The following AKT3 variants were observed in gnomAD, a reference collection of about 807,000 sequenced individuals.
AKT3 encodes the protein AKT serine/threonine kinase 3.
AKT3 carries 15 observed loss-of-function variants against 65.3 expected under a neutral mutation model. The observed-to-expected ratio is 0.23, with a 90% CI of 0.15 to 0.35. The LOEUF (loss-of-function observed/expected upper bound fraction) is 0.35. Among genes scored for constraint, AKT3 ranks in the 10% least tolerant of loss-of-function variants. AKT3 has a pLI of 1.00. For missense variants in AKT3, 243 were observed against 576.5 expected, an observed-to-expected ratio of 0.42 and a Z score of 5.92; for synonymous variants, 206 against 183.8, an observed-to-expected ratio of 1.12 and a Z score of -0.98.
In AKT3 at chr1:243,830,863, G is replaced by A. The variant is rs533067908; in HGVS notation, c.46+12262C>T. On this transcript the variant is annotated intron_variant, in intron 2 of 13. Transcript: ENST00000673466. ...TACTAGTCCATTCTGGGACAATCAG[G>A]GTACAACCCACTATCTTTGTCAGGA... Among the ~76,000 whole-genome samples the A allele has an allele frequency of 2.6e-5, 4 of 152,132 alleles. No individual in the cohort carries two copies. In the East Asian group the frequency reaches 7.7e-4, roughly 29 times the overall value.
chr1:243,569,553 G>A (rs1323546952), intron 9 of AKT3, among the ~76,000 whole-genome samples: 4 of 152,156 alleles, frequency 2.6e-5, no homozygotes, highest in East Asian at 1.9e-4. Context: ...TGATGAGGAC[G>A]AGGAGGGCTA....
At chr1:243,674,207 T>C (rs147710929) in intron 3 of AKT3, among the ~76,000 whole-genome samples, 5 of 152,280 alleles carry the variant, frequency 3.3e-5, no homozygotes, top group Non-Finnish European at 5.9e-5. Flanking sequence ...AAATCACCAA[T>C]GGTAAAATCA....
chr1:243,674,735 A>G (rs1683386942), intron 3 of AKT3, among the ~76,000 whole-genome samples: 1 of 152,198 alleles, frequency 6.6e-6, no homozygotes, highest in Admixed American at 6.5e-5. Context: ...GTCTAAACAA[A>G]CCAGTTTTAG....
At chr1:243,602,997 TA>T (rs1240674315) in intron 8 of AKT3, among the ~76,000 whole-genome samples, 1 of 152,182 alleles carries the variant, frequency 6.6e-6, no homozygotes, top group East Asian at 1.9e-4. Flanking sequence ...AGAGACTTCC[TA>T]AACCAAAGAA....
chr1:243,803,865 T>G (rs1692545408), intron 2 of AKT3, among the ~76,000 whole-genome samples: 1 of 152,118 alleles, frequency 6.6e-6, no homozygotes, highest in South Asian at 2.1e-4. Context: ...AAAACTGACA[T>G]AAGGAGGAAC....
intron 2 of AKT3, among the ~76,000 whole-genome samples, chr1:243,727,559 G>C (rs1236456402): frequency 8.5e-5 from 13 of 152,082 alleles, no homozygotes; most frequent in Non-Finnish European, 1.5e-5. Flanking sequence ...AGGATTACAG[G>C]TGTCAGCCAC....
chr1:243,566,268 T>A (rs1674149698), intron 9 of AKT3, among the ~76,000 whole-genome samples: 1 of 152,138 alleles, frequency 6.6e-6, no homozygotes, highest in African/African-American at 2.4e-5. Context: ...GAGCCTCAGA[T>A]CATGGTTGTG....
intron 12 of AKT3, among the ~76,000 whole-genome samples, chr1:243,521,629 G>A (rs1453726197): frequency 6.6e-6 from 1 of 152,154 alleles, no homozygotes; most frequent in Non-Finnish European, 1.5e-5. Flanking sequence ...TGAAGTTCAT[G>A]CTGTTAATCT....
intron 2 of AKT3, among the ~76,000 whole-genome samples, chr1:243,813,802 A>C (rs919547057): frequency 6.6e-6 from 1 of 152,218 alleles, no homozygotes; most frequent in African/African-American, 2.4e-5. Flanking sequence ...TGATTCAATT[A>C]AAAATTTTAA....
chr1:243,693,981 T>TC (rs1461801896), intron 3 of AKT3, among the ~76,000 whole-genome samples: 2 of 152,248 alleles, frequency 1.3e-5, no homozygotes, highest in African/African-American at 4.8e-5. Flanking sequence ...CTAAATAGGA[T>TC]CCTTCCCCAA....
intron 2 of AKT3, among the ~76,000 whole-genome samples, chr1:243,815,776 A>AGTTGTT (rs145906932): frequency 3.1e-4 from 46 of 147,302 alleles, no homozygotes; most frequent in African/African-American, 8.3e-4. Context: ...ACACCCAGCT[A>AGTTGTT]GTTGTTGTTG....
chr1:243,795,248 T>G (rs1371108484), intron 2 of AKT3, among the ~76,000 whole-genome samples: 5 of 151,860 alleles, frequency 3.3e-5, no homozygotes, highest in Admixed American at 2.6e-4. Context: ...AAGATCTGTG[T>G]GGGAAAACAG....
chr1:243,818,506 T>C (rs1693664315), intron 2 of AKT3, among the ~76,000 whole-genome samples: 1 of 152,114 alleles, frequency 6.6e-6, no homozygotes, highest in African/African-American at 2.4e-5. Context: ...AGAACAATTT[T>C]TTACTCCTCA....
At position 243,505,198 on chromosome 1, in the gene AKT3, A is replaced by G; in HGVS notation, c.*51T>C. The G allele has an allele frequency of 6.5e-7, 1 of 1,536,628 alleles. No homozygotes were observed. The highest frequency in any genetic ancestry group is 1.1e-5 in the South Asian group (1 of 88,450). On this transcript the variant is annotated 3_prime_UTR_variant, in exon 14 of 14. Transcript: ENST00000673466. ...CTAGGACTGGTGATGTCCAGGAATC[A>G]TTTTCAGTAATAAATTGAAGATGAC...
chr1:243,679,394 T>C (rs1683760183), intron 3 of AKT3, among the ~76,000 whole-genome samples: 1 of 152,176 alleles, frequency 6.6e-6, no homozygotes, highest in Non-Finnish European at 1.5e-5. Context: ...AGAACTGAAA[T>C]ATGTTTTCTC....
intron 12 of AKT3, among the ~76,000 whole-genome samples, chr1:243,517,644 T>C (rs1395652738): frequency 3.9e-5 from 6 of 152,248 alleles, no homozygotes; most frequent in African/African-American, 7.2e-5. Context: ...AGGTTGAGCA[T>C]AGTATATAAT....
intron 2 of AKT3, among the ~76,000 whole-genome samples, chr1:243,755,720 G>C (rs899401414): frequency 1.3e-5 from 2 of 152,140 alleles, no homozygotes; most frequent in African/African-American, 4.8e-5. Flanking sequence ...GTAAAGACCA[G>C]AATAAAACTC....
At chr1:243,532,134 C>G (rs1671577425) in intron 12 of AKT3, among the ~76,000 whole-genome samples, 4 of 152,180 alleles carry the variant, frequency 2.6e-5, no homozygotes, top group African/African-American at 9.6e-5. Flanking sequence ...CTGGCTACAG[C>G]TTCCAGTGTC....
At chr1:243,682,772 T>C (rs1684010935) in intron 3 of AKT3, among the ~76,000 whole-genome samples, 1 of 152,194 alleles carries the variant, frequency 6.6e-6, no homozygotes, top group African/African-American at 2.4e-5. Flanking sequence ...TCAGAAATAA[T>C]TTTTCAAATT....
Sources: gnomAD v4.1 joint callset for allele counts (sites outside exome capture counted in the v4.1 genomes callset) on GRCh38, gnomAD v4.1.1 for gene constraint, MANE v1.5 for transcripts, NCBI Gene and HGNC (gene_info 2026-07-23, HGNC 2026-07-21) for gene names.